CDKAL1: variants seen among roughly 807,000 people sequenced by gnomAD.
CDKAL1 encodes the protein CDKAL1 threonylcarbamoyladenosine tRNA methylthiotransferase.
Under a neutral mutation model 68.2 loss-of-function variants are expected in CDKAL1, and 32 were observed. That is an observed-to-expected ratio of 0.47 (90% CI 0.35 to 0.63). CDKAL1 has a LOEUF of 0.63. CDKAL1 is among the 30% of genes least tolerant of loss of function. The pLI, the probability that CDKAL1 is intolerant of heterozygous loss-of-function variation, is 0.00. For missense variants in CDKAL1, 606 were observed against 696.7 expected, an observed-to-expected ratio of 0.87 and a Z score of 1.47; for synonymous variants, 234 against 244.3, an observed-to-expected ratio of 0.96 and a Z score of 0.39.
chr6:20,644,879 G>T (rs1054630972), intron 4 of CDKAL1, among the ~76,000 whole-genome samples: 1 of 152,142 alleles, frequency 6.6e-6, no homozygotes, highest in African/African-American at 2.4e-5. Context: ...TGAGAAATGT[G>T]TCAGGCTATT....
intron 13 of CDKAL1, among the ~76,000 whole-genome samples, chr6:21,192,811 T>C (rs1778310738): frequency 1.2e-5 from 1 of 86,946 alleles, no homozygotes; most frequent in African/African-American, 7.1e-5. Flanking sequence ...TGAGAGTTCC[T>C]TTTTTTTTTT....
intron 2 of CDKAL1, among the ~76,000 whole-genome samples, chr6:20,543,178 A>G (rs554161743): frequency 3.3e-4 from 51 of 152,336 alleles, no homozygotes; most frequent in Non-Finnish European, 6.2e-4. Context: ...CTCTTGGATA[A>G]TTGCCCAGGA....
chr6:20,992,779 G>T (rs1455393954), intron 10 of CDKAL1, among the ~76,000 whole-genome samples: 1 of 151,878 alleles, frequency 6.6e-6, no homozygotes, highest in Non-Finnish European at 1.5e-5. Context: ...GCATGTGCTT[G>T]TCATCCCATC....
chr6:20,653,947 G>T (rs1012296585), intron 5 of CDKAL1, among the ~76,000 whole-genome samples: 2 of 151,650 alleles, frequency 1.3e-5, no homozygotes, highest in East Asian at 1.9e-4. Flanking sequence ...CGGTTTCACC[G>T]TGTTGGCCAG....
At chr6:20,937,088 C>G (rs1009168048) in intron 9 of CDKAL1, among the ~76,000 whole-genome samples, 2 of 151,446 alleles carry the variant, frequency 1.3e-5, no homozygotes, top group African/African-American at 4.9e-5. Context: ...TTTTTTCTCT[C>G]TTTCTTTTCT....
intron 5 of CDKAL1, among the ~76,000 whole-genome samples, chr6:20,672,356 T>C (rs1205812710): frequency 6.6e-6 from 1 of 151,416 alleles, no homozygotes; most frequent in Non-Finnish European, 1.5e-5. Context: ...CTCTTTCCTT[T>C]CTTTCTTTTC....
intron 5 of CDKAL1, among the ~76,000 whole-genome samples, chr6:20,735,620 T>A (rs1340774851): frequency 1.3e-5 from 2 of 152,234 alleles, no homozygotes; most frequent in Non-Finnish European, 2.9e-5. Flanking sequence ...GTGTGTGAAT[T>A]ACTTAATCAT....
At chr6:20,924,011 C>G (rs1158005376) in intron 9 of CDKAL1, among the ~76,000 whole-genome samples, 1 of 151,212 alleles carries the variant, frequency 6.6e-6, no homozygotes, top group Non-Finnish European at 1.5e-5. Flanking sequence ...GACCCTGTCT[C>G]TAGAAATGAT....
intron 10 of CDKAL1, among the ~76,000 whole-genome samples, chr6:20,990,095 T>G (rs1325907232): frequency 1.3e-5 from 2 of 151,962 alleles, no homozygotes; most frequent in African/African-American, 4.8e-5. Flanking sequence ...ATACACAAAT[T>G]AGCTGGGCGT....
intron 13 of CDKAL1, among the ~76,000 whole-genome samples, chr6:21,174,334 G>A (rs1049101670): frequency 2.6e-4 from 39 of 151,916 alleles, no homozygotes; most frequent in Non-Finnish European, 2.9e-5. Context: ...CAATAGAGTC[G>A]GTATAATCTT....
intron 4 of CDKAL1, among the ~76,000 whole-genome samples, chr6:20,617,614 A>G (rs866020677): frequency 5.9e-5 from 9 of 151,728 alleles, no homozygotes; most frequent in African/African-American, 1.9e-4. Flanking sequence ...TCCCCACCCT[A>G]TGTCTGAGTG....
chr6:21,192,033 G>T (rs1291917478), intron 13 of CDKAL1, among the ~76,000 whole-genome samples: 1 of 7,310 alleles, frequency 1.4e-4, no homozygotes, highest in Admixed American at 1.9e-3. Flanking sequence ...TTTTTTTTTT[G>T]AGACGGAGTC....
intron 10 of CDKAL1, among the ~76,000 whole-genome samples, chr6:20,986,439 G>C (rs911363411): frequency 6.6e-6 from 1 of 152,020 alleles, no homozygotes; most frequent in Non-Finnish European, 1.5e-5. Context: ...AAAGAAACAT[G>C]CATTGCTTTT....
At chr6:20,939,944 T>C (rs570897527) in intron 9 of CDKAL1, among the ~76,000 whole-genome samples, 107 of 152,326 alleles carry the variant, frequency 7.0e-4, no homozygotes, top group South Asian at 2.1e-3. Flanking sequence ...TAGAAGCAAT[T>C]TGTAGATAGA....
chr6:20,685,143 A>G (rs1770559101), intron 5 of CDKAL1, among the ~76,000 whole-genome samples: 1 of 152,108 alleles, frequency 6.6e-6, no homozygotes, highest in Admixed American at 6.6e-5. Context: ...TATGTTTTAC[A>G]TTGAGGTCTG....
chr6:20,743,207 A>G (rs1773532098), intron 6 of CDKAL1, among the ~76,000 whole-genome samples: 1 of 152,198 alleles, frequency 6.6e-6, no homozygotes, highest in Non-Finnish European at 1.5e-5. Context: ...CTATTCCTTC[A>G]CAAAATTTCT....
At position 20,557,049 on chromosome 6, in the gene CDKAL1, AAAAAT is replaced by A. The variant is rs1441179257; in HGVS notation, c.286+8348_286+8352del. Among the ~76,000 whole-genome samples, 26 of 63,254 alleles carry A rather than the reference AAAAAT, an allele frequency of 4.1e-4. 1 individual carries two copies. Among genetic ancestry groups the A allele is most frequent in the African/African-American group, 9.1e-4 (15 of 16,470 alleles). 41.5% of individuals were successfully genotyped at this position (63,254 alleles called of 152,430 possible). On this transcript the variant is annotated intron_variant, in intron 4 of 15. Coordinates refer to ENST00000274695, the MANE Select transcript of CDKAL1 (RefSeq NM_017774.3). ...AGAACGAGTCTCCATCTCAAAAAAA[AAAAAT>A]AAATAAATAAATAAATAAATAAATA... is the stretch of plus-strand genomic sequence containing the variant.
intron 7 of CDKAL1, among the ~76,000 whole-genome samples, chr6:20,779,477 T>C (rs1261046675): frequency 6.6e-6 from 1 of 152,232 alleles, no homozygotes. Context: ...TTAGAACACT[T>C]ACATCACCCC....
At chr6:20,540,760 T>G (rs1000800334) in intron 2 of CDKAL1, among the ~76,000 whole-genome samples, 1 of 152,208 alleles carries the variant, frequency 6.6e-6, no homozygotes. Flanking sequence ...CCAGCCCTGT[T>G]TTAACTTTTT....
Sources: gnomAD v4.1 joint callset for allele counts (sites outside exome capture counted in the v4.1 genomes callset) on GRCh38, gnomAD v4.1.1 for gene constraint, MANE v1.5 for transcripts, NCBI Gene and HGNC (gene_info 2026-07-23, HGNC 2026-07-21) for gene names.